EZH2: variants seen among roughly 807,000 people sequenced by gnomAD.
The protein encoded by EZH2 is histone-lysine N-methyltransferase EZH2.
A neutral mutation model predicts 98.4 loss-of-function variants in EZH2; 18 were observed. The observed-to-expected ratio is 0.18, with a 90% CI of 0.13 to 0.27. The LOEUF is 0.27. Among genes scored for constraint, EZH2 ranks in the 10% least tolerant of loss-of-function variants. The probability of loss-of-function intolerance (pLI) is 1.00; values close to 1 mark genes in which losing one functional copy is unlikely to be tolerated. For synonymous variants in EZH2, 338 were observed against 312.3 expected (o/e 1.08, Z -0.87); for missense variants, 470 against 935.1 (o/e 0.50, Z 6.49).
rs1807698054 is a variant in EZH2, at chr7:148,826,335, A to T, written c.907+119T>A. The T allele has an allele frequency of 5.3e-6, 4 of 753,786 alleles. No individual in the cohort carries two copies. The East Asian group carries it at 1.3e-4, about 24-fold the overall frequency. The allele number at this position is 753,786 out of a possible 1,614,324, so 46.7% of individuals were successfully genotyped here. A position where few individuals can be genotyped will look rare whatever the true frequency, so the allele number is the denominator to read the frequency against. On this transcript the variant is annotated intron_variant, in intron 8 of 19. Transcript: ENST00000320356. The stretch of plus-strand genomic sequence containing the variant: ...TAAAAATAATAATACTGAGATCTAA[A>T]GATATTTGTCAAAGTAACTACAAGA...
chr7:148,856,783 T>C (rs757512992), intron 1 of EZH2, among the ~76,000 whole-genome samples: 3 of 152,150 alleles, frequency 2.0e-5, no homozygotes, highest in African/African-American at 4.8e-5. Context: ...CAGAATAAAA[T>C]AATTATTCAT....
At chr7:148,878,085 T>C (rs935297219) in intron 1 of EZH2, among the ~76,000 whole-genome samples, 1 of 152,198 alleles carries the variant, frequency 6.6e-6, no homozygotes, top group Non-Finnish European at 1.5e-5. Context: ...TATATAGATA[T>C]AGAGAGAGAT....
intron 9 of EZH2, chr7:148,818,895 G>A: frequency 2.8e-6 from 1 of 355,690 alleles, no homozygotes; most frequent in Non-Finnish European, 5.5e-6. Context: ...TTTTTTTAGT[G>A]GAAATAGAAG....
chr7:148,874,207 T>C (rs1035527367), intron 1 of EZH2, among the ~76,000 whole-genome samples: 2 of 152,072 alleles, frequency 1.3e-5, no homozygotes, highest in Non-Finnish European at 2.9e-5. Context: ...GGCAACATAG[T>C]GAAACTCTGT....
intron 3 of EZH2, among the ~76,000 whole-genome samples, chr7:148,839,076 G>GGAAA (rs1811688055): frequency 6.9e-6 from 1 of 144,958 alleles, no homozygotes; most frequent in African/African-American, 2.8e-5. Context: ...AAGGAAGGAA[G>GGAAA]GAAGGAAGGA....
intron 4 of EZH2, among the ~76,000 whole-genome samples, chr7:148,831,055 G>A (rs900272486): frequency 3.9e-5 from 6 of 152,042 alleles, no homozygotes; most frequent in Non-Finnish European, 8.8e-5. Context: ...GCGTAGGCTC[G>A]GCCCAGCACT....
intron 1 of EZH2, among the ~76,000 whole-genome samples, chr7:148,882,135 A>C (rs1821099129): frequency 6.6e-6 from 1 of 152,080 alleles, no homozygotes; most frequent in Non-Finnish European, 1.5e-5. Flanking sequence ...TTTTTGTTAT[A>C]ATGTCTCAAC....
chr7:148,851,403 G>A (rs990244944), intron 1 of EZH2, among the ~76,000 whole-genome samples: 5 of 151,988 alleles, frequency 3.3e-5, no homozygotes, highest in East Asian at 1.9e-4. Flanking sequence ...CAACAAAAAC[G>A]AAATATACAT....
intron 10 of EZH2, 95 bp downstream of exon 10, chr7:148,817,782 C>G: frequency 6.5e-7 from 1 of 1,529,256 alleles, no homozygotes; most frequent in Middle Eastern, 1.7e-4. Context: ...TGAAACTAAC[C>G]AACTAAGAAA....
chr7:148,870,758 C>T (rs1051120505), intron 1 of EZH2, among the ~76,000 whole-genome samples: 13 of 150,704 alleles, frequency 8.6e-5, no homozygotes, highest in African/African-American at 2.9e-4. Flanking sequence ...GGTGAAACCC[C>T]GACTCTATAA....
rs1306090630 is a variant in EZH2, at chr7:148,809,290, CT to C, written c.2110+19del. The C allele has an allele frequency of 6.3e-7, 1 of 1,598,238 alleles. No homozygotes were observed. Among genetic ancestry groups the C allele is most frequent in the Non-Finnish European group, 8.6e-7 (1 of 1,166,480 alleles). On this transcript the variant is annotated intron_variant, in intron 18 of 19. Transcript: ENST00000320356. ...CAGGACTGAAAAGGGAGTTCCAATTCTCACGTCAAAGGTACCTACCTTTTGC... is the reference window on the plus strand; with the variant it reads ...CAGGACTGAAAAGGGAGTTCCAATTCCACGTCAAAGGTACCTACCTTTTGC...
At position 148,857,343 on chromosome 7, in the gene EZH2, A is replaced by G. The variant is rs78431418; in HGVS notation, c.-7-10038T>C. Among the ~76,000 whole-genome samples, 588 of 152,372 alleles carry G rather than the reference A, an allele frequency of 3.9e-3. 2 individuals carry two copies. Among genetic ancestry groups the G allele is most frequent in the African/African-American group, 0.013 (551 of 41,588 alleles). Reference sequence around the variant, plus strand: ...ACCAACCAACCAACCAAAGAAAGACATTAGTGGAATAACTGGCAAAATCCA... The same window carrying G: ...ACCAACCAACCAACCAAAGAAAGACGTTAGTGGAATAACTGGCAAAATCCA... On this transcript the variant is annotated intron_variant, in intron 1 of 19. Coordinates refer to ENST00000320356, the MANE Select transcript of EZH2 (RefSeq NM_004456.5).
chr7:148,879,128 G>C lies in EZH2; in HGVS notation c.-8+5036C>G, dbSNP rs567447055. ...TAATCCCAGCTACTCGGGAGGCTGA[G>C]GTAGGAGAATCGCTTGAACCCAGGA... On this transcript the variant is annotated intron_variant, in intron 1 of 19. Transcript: ENST00000320356. Among the ~76,000 whole-genome samples, 3 of 151,526 alleles carry C rather than the reference G, an allele frequency of 2.0e-5. No homozygotes were observed. The South Asian group carries it at 6.3e-4, about 32-fold the overall frequency.
At position 148,819,561 on chromosome 7, in the gene EZH2, AG is replaced by A. The variant is rs535448826; in HGVS notation, c.999+34del. 5.7e-5 allele frequency: 89 copies of A among 1,574,230 alleles called. 2 individuals are homozygous for A. The South Asian group carries it at 8.1e-4, about 14-fold the overall frequency. On this transcript the variant is annotated intron_variant, in intron 9 of 19. Coordinates refer to ENST00000320356, the MANE Select transcript of EZH2 (RefSeq NM_004456.5). ...TCCACCAAAGTGCAAAGTCCTCTCA[AG>A]TACCCTCTGCAATAATTAGGCACTA...
chr7:148,882,309 CTA>C (rs901785506), intron 1 of EZH2, among the ~76,000 whole-genome samples: 2 of 152,144 alleles, frequency 1.3e-5, no homozygotes, highest in African/African-American at 4.8e-5. Context: ...AGAAGAACGC[CTA>C]TGTTTTTCTA....
chr7:148,851,790 G>A (rs1301725879), intron 1 of EZH2, among the ~76,000 whole-genome samples: 1 of 152,178 alleles, frequency 6.6e-6, no homozygotes, highest in Non-Finnish European at 1.5e-5. Context: ...AGGATCTCTT[G>A]AGCCTGTGAG....
chr7:148,809,025 G>A, intron 19 of EZH2, 46 bp downstream of exon 19: 3 of 1,496,952 alleles, frequency 2.0e-6, no homozygotes, highest in South Asian at 2.3e-5. Context: ...TCACAATCCA[G>A]TAGAAAAAGC....
chr7:148,824,330 C>T (rs934624535), intron 8 of EZH2, among the ~76,000 whole-genome samples: 1 of 142,784 alleles, frequency 7.0e-6, no homozygotes. Context: ...AAAAAAAAAA[C>T]AACAACAACA....
At chr7:148,877,846 G>C (rs1280487475) in intron 1 of EZH2, among the ~76,000 whole-genome samples, 1 of 152,058 alleles carries the variant, frequency 6.6e-6, no homozygotes, top group Admixed American at 6.5e-5. Flanking sequence ...CATTCTTCTC[G>C]GAGCTGACAT....
Sources: gnomAD v4.1 joint callset for allele counts (sites outside exome capture counted in the v4.1 genomes callset) on GRCh38, gnomAD v4.1.1 for gene constraint, MANE v1.5 for transcripts, NCBI Gene and HGNC (gene_info 2026-07-23, HGNC 2026-07-21) for gene names.